MAST4: variants seen among roughly 807,000 people sequenced by gnomAD.
MAST4 encodes the protein microtubule-associated serine/threonine-protein kinase 4.
Under a neutral mutation model 162.7 loss-of-function variants are expected in MAST4, and 89 were observed. That is an observed-to-expected ratio of 0.55 (90% CI 0.46 to 0.65). The LOEUF (loss-of-function observed/expected upper bound fraction) is 0.65. Among genes scored for constraint, MAST4 ranks in the 30% least tolerant of loss-of-function variants. The pLI is 0.00. For synonymous variants in MAST4, 1,479 were observed against 1,361.1 expected (o/e 1.09, Z -1.91); for missense variants, 3,153 against 3,374.0 (o/e 0.93, Z 1.62).
At chr5:66,657,069 A>G (rs992271381) in intron 1 of MAST4, among the ~76,000 whole-genome samples, 7 of 152,200 alleles carry the variant, frequency 4.6e-5, no homozygotes, top group African/African-American at 1.4e-4. Context: ...TTCTGAGAAG[A>G]TTCAGTAAAG....
chr5:67,003,706 C>T (rs2150323898), intron 4 of MAST4: 1 of 152,262 alleles, frequency 6.6e-6, no homozygotes, highest in South Asian at 2.1e-4. Flanking sequence ...CCATGCCTTT[C>T]TTCAAAATGA....
chr5:66,889,885 TGCTTCCTGGCATTGGCTTGGA>T (rs1040510355), intron 3 of MAST4, among the ~76,000 whole-genome samples: 4 of 152,258 alleles, frequency 2.6e-5, no homozygotes, highest in African/African-American at 9.6e-5. Context: ...TTATGAAGGA[TGCTTCCTGGCATTGGCTTGGA>T]TTAGAATATG....
At chr5:66,673,523 G>GTTTTTTTTTTT (rs1208217801) in intron 1 of MAST4, among the ~76,000 whole-genome samples, 13 of 131,318 alleles carry the variant, frequency 9.9e-5, no homozygotes, top group East Asian at 6.9e-4. Flanking sequence ...TTTGTTTTTT[G>GTTTTTTTTTTT]TTTTTTGTTT....
intron 4 of MAST4, among the ~76,000 whole-genome samples, chr5:67,046,469 A>G (rs541752466): frequency 1.3e-5 from 2 of 152,322 alleles, no homozygotes; most frequent in African/African-American, 4.8e-5. Context: ...GAGTCTAGTT[A>G]TCTGTGAATC....
rs77934719 is a variant in MAST4, at chr5:66,859,755, C to T, written c.643-40196C>T. Among the ~76,000 whole-genome samples the T allele has an allele frequency of 2.0e-3, 311 of 152,274 alleles. 2 individuals carry two copies. The highest frequency in any genetic ancestry group is 7.2e-3 in the African/African-American group (301 of 41,554). On this transcript the variant is annotated intron_variant, in intron 3 of 28. Transcript: ENST00000403625. The stretch of plus-strand genomic sequence containing the variant: ...GAAGAATAACTTAATGAAGACAGCA[C>T]GGTCCATGAGCATCTCACATCCTCA...
chr5:66,605,775 G>A (rs539802765), intron 1 of MAST4, among the ~76,000 whole-genome samples: 2 of 152,180 alleles, frequency 1.3e-5, no homozygotes, highest in African/African-American at 4.8e-5. Context: ...CCTTTTCAGA[G>A]GACAAGGGAT....
intron 4 of MAST4, among the ~76,000 whole-genome samples, chr5:66,995,241 CA>C (rs368255939): frequency 2.6e-4 from 40 of 152,164 alleles, no homozygotes; most frequent in African/African-American, 9.4e-4. Context: ...TTTCGTGTGT[CA>C]AAAAATATCA....
At chr5:67,083,633 C>A (rs1159879) in intron 5 of MAST4, among the ~76,000 whole-genome samples, 4 of 151,934 alleles carry the variant, frequency 2.6e-5, no homozygotes, top group Admixed American at 6.6e-5. Context: ...AAAAAAAATA[C>A]GAATGCATTA....
chr5:66,823,442 C>T (rs146308956), intron 3 of MAST4, among the ~76,000 whole-genome samples: 2 of 152,318 alleles, frequency 1.3e-5, no homozygotes, highest in East Asian at 3.9e-4. Context: ...AAAGTACTTA[C>T]AGCAATGACC....
chr5:66,799,625 G>A (rs927034297), intron 3 of MAST4, among the ~76,000 whole-genome samples: 2 of 152,276 alleles, frequency 1.3e-5, no homozygotes, highest in African/African-American at 4.8e-5. Flanking sequence ...CCCTGTTATT[G>A]GAGAATTTCT....
intron 1 of MAST4, among the ~76,000 whole-genome samples, chr5:66,718,226 G>A (rs1409147808): frequency 6.7e-6 from 1 of 149,978 alleles, no homozygotes; most frequent in East Asian, 2.0e-4. Context: ...AAGCAAATGA[G>A]AGGGACTCTA....
intron 4 of MAST4, among the ~76,000 whole-genome samples, chr5:66,965,578 TG>T (rs1006822221): frequency 4.0e-4 from 2 of 5,020 alleles, no homozygotes; most frequent in African/African-American, 2.1e-3. Flanking sequence ...GGGGAGGGAT[TG>T]GTGGGGGCGG....
chr5:66,896,469 G>A (rs2149965528), intron 3 of MAST4, among the ~76,000 whole-genome samples: 1 of 152,264 alleles, frequency 6.6e-6, no homozygotes, highest in Non-Finnish European at 1.5e-5. Flanking sequence ...CTAGGTCCCA[G>A]CCCACTCTCA....
chr5:66,986,416 C>A, intron 4 of MAST4: 1 of 1,455,530 alleles, frequency 6.9e-7, no homozygotes, highest in African/African-American at 1.4e-5. Flanking sequence ...CATCATATCA[C>A]TCTGTCTTTT....
chr5:66,723,822 A>G (rs1751357239), intron 1 of MAST4, among the ~76,000 whole-genome samples: 2 of 152,168 alleles, frequency 1.3e-5, no homozygotes, highest in African/African-American at 2.4e-5. Context: ...ACAAAATTAC[A>G]TTTTTGTTAA....
intron 3 of MAST4, among the ~76,000 whole-genome samples, chr5:66,817,271 A>G (rs752534095): frequency 2.6e-5 from 4 of 152,198 alleles, no homozygotes; most frequent in Non-Finnish European, 5.9e-5. Flanking sequence ...GATTTAAACA[A>G]ATCGATTCAT....
intron 4 of MAST4, among the ~76,000 whole-genome samples, chr5:66,958,105 G>GTC (rs879888375): frequency 1.2e-4 from 18 of 151,066 alleles, no homozygotes; most frequent in South Asian, 4.2e-4. Flanking sequence ...GTTTGGCTCT[G>GTC]TCTCTCTCTC....
In MAST4 at chr5:67,152,975, C is replaced by T. The variant is rs531266992; in HGVS notation, c.3525+109C>T. ...ATATTTACTTTTAAGCTTGCATTTG[C>T]GACCTGTTTCATTTTCCTTTTAGAG... On this transcript the variant is annotated intron_variant, in intron 25 of 28. Transcript: ENST00000403625. 2.1e-5 allele frequency: 19 copies of T among 898,886 alleles called. No homozygotes were observed. The Admixed American group carries it at 2.4e-4, about 11-fold the overall frequency. The allele number at this position is 898,886 out of a possible 1,614,324, so 55.7% of individuals were successfully genotyped here.
chr5:66,860,609 G>A (rs1561390076), intron 3 of MAST4, among the ~76,000 whole-genome samples: 1 of 146,230 alleles, frequency 6.8e-6, no homozygotes, highest in Non-Finnish European at 1.5e-5. Context: ...CACCTTTTTC[G>A]TTTTTTTTTT....
Sources: gnomAD v4.1 joint callset for allele counts (sites outside exome capture counted in the v4.1 genomes callset) on GRCh38, gnomAD v4.1.1 for gene constraint, MANE v1.5 for transcripts, NCBI Gene and HGNC (gene_info 2026-07-23, HGNC 2026-07-21) for gene names.